Variants in HIBCH observed in about 807,000 individuals in gnomAD.
The protein encoded by HIBCH is 3-hydroxyisobutyryl-CoA hydrolase, mitochondrial.
Under a neutral mutation model 58.2 loss-of-function variants are expected in HIBCH, and 50 were observed. The ratio of observed to expected loss-of-function variants is 0.86; its 90% confidence interval spans 0.68 to 1.09. HIBCH has a LOEUF of 1.09. Ranked by LOEUF, HIBCH falls within the 50% of genes least tolerant of loss-of-function variation. The pLI is 0.00. For synonymous variants in HIBCH, 151 were observed against 146.9 expected (o/e 1.03, Z -0.20); for missense variants, 450 against 449.7 (o/e 1.00, Z -0.01).
At chr2:190,205,253 T>G (rs187867032) in intron 13 of HIBCH, 21 bp from the exon 14 acceptor site, 306 of 1,247,522 alleles carry the variant, frequency 2.5e-4, no homozygotes, top group Non-Finnish European at 3.4e-4. Context: ...AAGATACAAA[T>G]GTTAATACCA....
At chr2:190,201,611 C>T (rs1170946006), downstream of HIBCH, 2 of 166,992 alleles carry the variant, frequency 1.2e-5, no homozygotes, top group East Asian at 3.8e-4. Context: ...AACCCACAAT[C>T]AAATAGAGTG....
chr2:190,307,407 C>CA (rs1688441455), intron 2 of HIBCH, among the ~76,000 whole-genome samples: 1 of 152,196 alleles, frequency 6.6e-6, no homozygotes, highest in South Asian at 2.1e-4. Flanking sequence ...CATGGTGGCT[C>CA]ACACCTATCA....
chr2:190,287,260 C>T (rs1687853877), intron 6 of HIBCH, among the ~76,000 whole-genome samples: 1 of 152,112 alleles, frequency 6.6e-6, no homozygotes, highest in Non-Finnish European at 1.5e-5. Context: ...CAGGGTTTCG[C>T]CATGTAGGCC....
At chr2:190,309,596 G>A (rs867760328) in intron 2 of HIBCH, among the ~76,000 whole-genome samples, 5 of 148,750 alleles carry the variant, frequency 3.4e-5, no homozygotes, top group Middle Eastern at 7.0e-3. Flanking sequence ...TCGCTCTGTC[G>A]CCCAGGCTGG....
At chr2:190,263,513 T>C (rs1687151474) in intron 6 of HIBCH, among the ~76,000 whole-genome samples, 1 of 152,188 alleles carries the variant, frequency 6.6e-6, no homozygotes, top group Non-Finnish European at 1.5e-5. Context: ...TCTACCCCAC[T>C]GTACTCTGTC....
At chr2:190,300,029 T>C (rs1053789405) in intron 2 of HIBCH, among the ~76,000 whole-genome samples, 3 of 152,344 alleles carry the variant, frequency 2.0e-5, no homozygotes, top group East Asian at 1.9e-4. Context: ...TAGTATTCTA[T>C]GGTGTATATG....
intron 6 of HIBCH, among the ~76,000 whole-genome samples, chr2:190,276,237 A>C (rs187279371): frequency 6.6e-6 from 1 of 152,174 alleles, no homozygotes; most frequent in Non-Finnish European, 1.5e-5. Context: ...GCTTTAGCGG[A>C]AAAAGGCCCA....
At chr2:190,201,603 C>T (rs1690245536), downstream of HIBCH, 1 of 166,906 alleles carries the variant, frequency 6.0e-6, no homozygotes, top group African/African-American at 2.4e-5. Flanking sequence ...TACTTTGAAA[C>T]CCACAATCAA....
rs1008424468 is a variant in HIBCH at position 190,243,038 on chromosome 2, G to A, written c.891+1849C>T. Among the ~76,000 whole-genome samples the A allele has an allele frequency of 2.0e-5, 3 of 152,146 alleles. No individual in the cohort carries two copies. The highest frequency in any genetic ancestry group is 2.9e-5 in the Non-Finnish European group (2 of 68,024). ...GTTGACAAGGGGTGGACTTGTGATG[G>A]TGAATACTGAGTGTCAACTTGACTG... On this transcript the variant is annotated intron_variant, in intron 11 of 13. Coordinates refer to ENST00000359678, the MANE Select transcript of HIBCH (RefSeq NM_014362.4). This position sits in a 1 kb window ranked among gnomAD's most constrained non-coding sequence, Gnocchi z 4.1.
rs1263554911 is a variant in HIBCH, at chr2:190,315,900, T to TTTTGAA, written c.35+3810_35+3815dup. On this transcript the variant is annotated intron_variant, in intron 1 of 13. Coordinates refer to ENST00000359678, the MANE Select transcript of HIBCH (RefSeq NM_014362.4). The surrounding 1 kb of genome is among the most constrained non-coding windows in gnomAD (Gnocchi z 5.4). ...TGCAGGACGAAATACAAATTCAATT[T>TTTTGAA]TTTGAATTTGAATTTGTACTGACAT... 1.2e-4 allele frequency among the ~76,000 whole-genome samples: 19 copies of TTTTGAA among 152,254 alleles called. No homozygotes were observed. The highest frequency in any genetic ancestry group is 4.2e-4 in the South Asian group (2 of 4,816).
At chr2:190,265,505 C>T (rs1687209059) in intron 6 of HIBCH, among the ~76,000 whole-genome samples, 1 of 149,402 alleles carries the variant, frequency 6.7e-6, no homozygotes, top group Non-Finnish European at 1.5e-5. Context: ...CTCTATATAT[C>T]CTAGACAGGA....
intron 1 of HIBCH, among the ~76,000 whole-genome samples, chr2:190,195,759 A>G (rs1172102376): frequency 6.6e-6 from 1 of 152,118 alleles, no homozygotes; most frequent in African/African-American, 2.4e-5. Flanking sequence ...TTTTTAGTGA[A>G]GTCCAACTTA....
chr2:190,194,851 T>C (rs1442939533), intron 1 of HIBCH, among the ~76,000 whole-genome samples: 1 of 152,110 alleles, frequency 6.6e-6, no homozygotes, highest in Admixed American at 6.6e-5. Flanking sequence ...TTTCTTCCCA[T>C]GGCTGGATTA....
chr2:190,283,612 A>T (rs534087267), intron 6 of HIBCH, among the ~76,000 whole-genome samples: 3 of 152,126 alleles, frequency 2.0e-5, no homozygotes, highest in Non-Finnish European at 2.9e-5. Flanking sequence ...AAAATCCAAA[A>T]CACTCCTCGT....
Position 190,246,224 on chromosome 2 carries a change from G to C in HIBCH, c.751-12C>G. 1 of 1,521,106 alleles carries C rather than the reference G, an allele frequency of 6.6e-7. No individual in the cohort carries two copies. The highest frequency in any genetic ancestry group is 9.1e-7 in the Non-Finnish European group (1 of 1,103,508). The allele number at this position is 1,521,106 out of a possible 1,614,324, so 94.2% of individuals were successfully genotyped here. On this transcript the variant is annotated splice_polypyrimidine_tract_variant and intron_variant, in intron 9 of 13. Coordinates refer to ENST00000359678, the MANE Select transcript of HIBCH (RefSeq NM_014362.4). ...CGATCAATCTTAGACTGTTTGAAAA[G>C]AAAAATCTTTTAATAAATTTGAACA...
chr2:190,287,258 C>T (rs923379953), intron 6 of HIBCH, among the ~76,000 whole-genome samples: 6 of 152,078 alleles, frequency 3.9e-5, no homozygotes, highest in Non-Finnish European at 7.4e-5. Context: ...GGCAGGGTTT[C>T]GCCATGTAGG....
At position 190,304,873 on chromosome 2, in the gene HIBCH, G is replaced by A. The variant is rs1359752145; in HGVS notation, c.78+5881C>T. Among the ~76,000 whole-genome samples the A allele has an allele frequency of 1.3e-5, 2 of 152,062 alleles. No homozygotes were observed. The highest frequency in any genetic ancestry group is 2.1e-4 in the South Asian group (1 of 4,834). Reference sequence around the variant, plus strand: ...AAAGCATTTAGAGATAAAATAGGACGAATAATGTATCCCTGTGCTGGAATT... The same window carrying A: ...AAAGCATTTAGAGATAAAATAGGACAAATAATGTATCCCTGTGCTGGAATT... On this transcript the variant is annotated intron_variant, in intron 2 of 13. Transcript: ENST00000359678. This position sits in a 1 kb window ranked among gnomAD's most constrained non-coding sequence, Gnocchi z 4.1.
chr2:190,232,643 C>T (rs1336999317), intron 11 of HIBCH, among the ~76,000 whole-genome samples: 1 of 152,132 alleles, frequency 6.6e-6, no homozygotes, highest in Non-Finnish European at 1.5e-5. Flanking sequence ...GTAGTTTTTG[C>T]CATTACTTTT....
rs1481318892 is a variant in HIBCH, at chr2:190,254,920, T to G, written c.518-2613A>C. 5.3e-5 allele frequency among the ~76,000 whole-genome samples: 8 copies of G among 152,324 alleles called. No homozygotes were observed. The highest frequency in any genetic ancestry group is 2.1e-4 in the South Asian group (1 of 4,822). On this transcript the variant is annotated intron_variant, in intron 7 of 13. Coordinates refer to ENST00000359678, the MANE Select transcript of HIBCH (RefSeq NM_014362.4). This position sits in a 1 kb window ranked among gnomAD's most constrained non-coding sequence, Gnocchi z 5.0. ...TATTAAACACCTGAAATGTAGCTGG[T>G]GTGACTGAGGAACTGAATTTGTTTT...
Sources: gnomAD v4.1 joint callset for allele counts (sites outside exome capture counted in the v4.1 genomes callset) on GRCh38, gnomAD v4.1.1 for gene constraint, Gnocchi (gnomAD v3.1) non-coding constraint, MANE v1.5 for transcripts, NCBI Gene and HGNC (gene_info 2026-07-23, HGNC 2026-07-21) for gene names.